The following PRKAA2 variants were observed in gnomAD, a reference collection of about 807,000 sequenced individuals.
PRKAA2 encodes protein kinase AMP-activated catalytic subunit alpha 2, also known as 5'-AMP-activated protein kinase catalytic subunit alpha-2.
Under a neutral mutation model 56.3 loss-of-function variants are expected in PRKAA2, and 40 were observed. That is an observed-to-expected ratio of 0.71 (90% CI 0.55 to 0.92). The LOEUF is 0.92. PRKAA2 is among the 40% of genes least tolerant of loss of function. PRKAA2 has a pLI of 0.00. For synonymous variants in PRKAA2, 214 were observed against 234.2 expected (o/e 0.91, Z 0.79); for missense variants, 542 against 686.9 (o/e 0.79, Z 2.36).
At chr1:56,673,656 A>G (rs143198482) in intron 1 of PRKAA2, among the ~76,000 whole-genome samples, 1 of 152,358 alleles carries the variant, frequency 6.6e-6, no homozygotes, top group African/African-American at 2.4e-5. Context: ...TTATCATAGA[A>G]TATATTGATT....
chr1:56,662,247 A>T (rs1209559962), intron 1 of PRKAA2, among the ~76,000 whole-genome samples: 1 of 152,134 alleles, frequency 6.6e-6, no homozygotes, highest in Non-Finnish European at 1.5e-5. Context: ...TGAATTTAGG[A>T]AGAATCTCTT....
intron 1 of PRKAA2, among the ~76,000 whole-genome samples, chr1:56,669,123 T>C (rs1188933144): frequency 6.6e-6 from 1 of 152,168 alleles, no homozygotes; most frequent in East Asian, 1.9e-4. Context: ...TCCTGATAAA[T>C]GGCTGAGCTT....
At chr1:56,653,579 G>A (rs1442756835) in intron 1 of PRKAA2, among the ~76,000 whole-genome samples, 2 of 152,058 alleles carry the variant, frequency 1.3e-5, no homozygotes, top group African/African-American at 2.4e-5. Context: ...GTTGTGAGAA[G>A]TACATGAGAA....
rs1028564430 is a variant in PRKAA2, at chr1:56,714,763, A to T, written c.*7050A>T. The T allele has an allele frequency of 6.6e-6, 1 of 152,184 alleles. No individual in the cohort carries two copies. Among genetic ancestry groups the T allele is most frequent in the African/African-American group, 2.4e-5 (1 of 41,448 alleles). 9.4% of individuals were successfully genotyped at this position (152,184 alleles called of 1,614,324 possible). ...AGAATGGTTGTGTTCTTTGTCATGT[A>T]TGCTTAAATATACAGTGGATTTTGA... On this transcript the variant is annotated 3_prime_UTR_variant, in exon 9 of 9. Transcript: ENST00000371244.
intron 1 of PRKAA2, among the ~76,000 whole-genome samples, chr1:56,674,056 C>G (rs1233259888): frequency 1.3e-5 from 2 of 152,142 alleles, no homozygotes; most frequent in Non-Finnish European, 2.9e-5. Context: ...ACAGTGAGTT[C>G]TCTCCTGTCC....
In PRKAA2 at chr1:56,709,571, T is replaced by C. The variant is rs1224131211; in HGVS notation, c.*1858T>C. ...TGGTCCATTATAGATATGGCATAGT[T>C]TTGGGTTCTCTAAATGGGTCCATAC... On this transcript the variant is annotated 3_prime_UTR_variant, in exon 9 of 9. Transcript: ENST00000371244. The C allele has an allele frequency of 6.6e-6, 1 of 152,128 alleles. No homozygotes were observed. The highest frequency in any genetic ancestry group is 2.4e-5 in the African/African-American group (1 of 41,438). The allele number at this position is 152,128 out of a possible 1,614,324, so 9.4% of individuals were successfully genotyped here. A position where few individuals can be genotyped will look rare whatever the true frequency, so the allele number is the denominator to read the frequency against.
In PRKAA2 at chr1:56,645,498, G is replaced by T. The variant is rs1170152482; in HGVS notation, c.94+17G>T. 6.8e-7 allele frequency: 1 copy of T among 1,460,276 alleles called. No homozygotes were observed. 90.5% of individuals were successfully genotyped at this position (1,460,276 alleles called of 1,614,324 possible). On this transcript the variant is annotated intron_variant, in intron 1 of 8. Coordinates refer to ENST00000371244, the MANE Select transcript of PRKAA2 (RefSeq NM_006252.4). The stretch of plus-strand genomic sequence containing the variant: ...AAGTGAAGAGTTGAGTACGCGCTCC[G>T]GACCGCTGTGCGGGGCTGCCTGACT...
chr1:56,680,004 A>G (rs1322467487), intron 2 of PRKAA2, among the ~76,000 whole-genome samples: 1 of 152,202 alleles, frequency 6.6e-6, no homozygotes, highest in Non-Finnish European at 1.5e-5. Flanking sequence ...ACAGTAAATA[A>G]TACATTTAAC....
chr1:56,693,203 T>A (rs1644239953), intron 4 of PRKAA2, among the ~76,000 whole-genome samples: 1 of 152,162 alleles, frequency 6.6e-6, no homozygotes, highest in African/African-American at 2.4e-5. Context: ...CTACTTTCTC[T>A]ATTTCTCTTC....
intron 6 of PRKAA2, among the ~76,000 whole-genome samples, chr1:56,703,482 T>C (rs1356875225): frequency 2.0e-5 from 3 of 152,204 alleles, no homozygotes; most frequent in African/African-American, 7.2e-5. Context: ...GTGGTTTTCA[T>C]ACCTTCTTCA....
intron 2 of PRKAA2, among the ~76,000 whole-genome samples, chr1:56,684,579 G>T (rs1261226177): frequency 6.6e-6 from 1 of 152,134 alleles, no homozygotes; most frequent in African/African-American, 2.4e-5. Flanking sequence ...GGGGAATCGG[G>T]TATCTTGAAG....
At chr1:56,652,546 T>G (rs1193650585) in intron 1 of PRKAA2, among the ~76,000 whole-genome samples, 1 of 152,226 alleles carries the variant, frequency 6.6e-6, no homozygotes, top group African/African-American at 2.4e-5. Context: ...AAGAAGGTAT[T>G]AGCTCTGGAA....
chr1:56,646,146 C>T (rs771081470), intron 1 of PRKAA2, among the ~76,000 whole-genome samples: 12 of 152,072 alleles, frequency 7.9e-5, no homozygotes, highest in Admixed American at 6.6e-5. Context: ...CCAGGACTCT[C>T]GGTTGTTGGG....
intron 1 of PRKAA2, among the ~76,000 whole-genome samples, chr1:56,645,770 C>T (rs1646635479): frequency 6.6e-6 from 1 of 152,146 alleles, no homozygotes; most frequent in Non-Finnish European, 1.5e-5. Context: ...GAGCAAGGCA[C>T]TTCTGTGTTC....
intron 2 of PRKAA2, among the ~76,000 whole-genome samples, chr1:56,683,884 C>G (rs1439464672): frequency 6.6e-6 from 1 of 151,990 alleles, no homozygotes; most frequent in East Asian, 1.9e-4. Flanking sequence ...TTACTCTTGT[C>G]TAAGATGGGA....
chr1:56,666,554 T>G (rs1381216206), intron 1 of PRKAA2, among the ~76,000 whole-genome samples: 1 of 152,202 alleles, frequency 6.6e-6, no homozygotes, highest in Non-Finnish European at 1.5e-5. Context: ...GTTCACATAT[T>G]TAATGGCATT....
At chr1:56,665,068 A>T (rs1338883254) in intron 1 of PRKAA2, among the ~76,000 whole-genome samples, 1 of 145,516 alleles carries the variant, frequency 6.9e-6, no homozygotes, top group East Asian at 2.0e-4. Context: ...CGCTCTAGCT[A>T]GTTCCTATCT....
intron 1 of PRKAA2, among the ~76,000 whole-genome samples, chr1:56,662,272 A>G (rs938949632): frequency 2.6e-5 from 4 of 152,182 alleles, no homozygotes; most frequent in South Asian, 2.1e-4. Flanking sequence ...TCTGCAGTTT[A>G]ACTTTTGATT....
At chr1:56,648,150 T>G (rs1646658622) in intron 1 of PRKAA2, among the ~76,000 whole-genome samples, 1 of 152,184 alleles carries the variant, frequency 6.6e-6, no homozygotes, top group Non-Finnish European at 1.5e-5. Context: ...GTTGCAACCA[T>G]CATTATAGAT....
Sources: allele counts gnomAD v4.1 joint callset (sites outside exome capture counted in the v4.1 genomes callset), GRCh38; gene constraint gnomAD v4.1.1; transcripts MANE v1.5; gene names NCBI Gene and HGNC (gene_info 2026-07-23, HGNC 2026-07-21).